The following ABL1 variants were observed in gnomAD, a reference collection of about 807,000 sequenced individuals.
ABL1 encodes the protein ABL proto-oncogene 1, non-receptor tyrosine kinase.
ABL1 carries 11 observed loss-of-function variants against 94.7 expected under a neutral mutation model. That is an observed-to-expected ratio of 0.12 (90% CI 0.07 to 0.19). The LOEUF (loss-of-function observed/expected upper bound fraction) is 0.19, where lower values mean the gene tolerates loss of function less well. Ranked by LOEUF, ABL1 falls within the 10% of genes least tolerant of loss-of-function variation. The pLI is 1.00. For missense variants in ABL1, 1,082 were observed against 1,489.4 expected, an observed-to-expected ratio of 0.73 and a Z score of 4.50; for synonymous variants, 656 against 622.4, an observed-to-expected ratio of 1.05 and a Z score of -0.80.
chr9:130,858,346 G>C (rs1014773481), intron 3 of ABL1, among the ~76,000 whole-genome samples: 3 of 152,152 alleles, frequency 2.0e-5, no homozygotes, highest in African/African-American at 7.2e-5. Flanking sequence ...TATGTGCCAG[G>C]TGGGTTTGTT....
intron 1 of ABL1, among the ~76,000 whole-genome samples, chr9:130,849,542 C>T (rs554096723): frequency 9.2e-5 from 14 of 151,960 alleles, no homozygotes; most frequent in African/African-American, 2.4e-4. Flanking sequence ...TTTTTTGAGA[C>T]GATGTCTCAC....
At position 130,721,193 on chromosome 9, in the gene ABL1, A is replaced by G. The variant is rs548509504; in HGVS notation, c.136+6738A>G. 7.2e-5 allele frequency among the ~76,000 whole-genome samples: 11 copies of G among 152,062 alleles called. No homozygotes were observed. In the East Asian group the frequency reaches 1.4e-3, roughly 19 times the overall value. On this transcript the variant is annotated intron_variant, in intron 1 of 10. Transcript: ENST00000372348. Reference sequence around the variant, plus strand: ...CAGGAGTTCGAGACCACCCTGGCCAACATGGTGAAACCTCGTCTCTACTAA... The same window carrying G: ...CAGGAGTTCGAGACCACCCTGGCCAGCATGGTGAAACCTCGTCTCTACTAA...
chr9:130,728,480 G>A (rs1277355989), intron 1 of ABL1, among the ~76,000 whole-genome samples: 7 of 150,944 alleles, frequency 4.6e-5, no homozygotes. Context: ...CCACCTCCTG[G>A]GTTCATGCCA....
At chr9:130,850,077 A>G (rs571660349) in intron 1 of ABL1, among the ~76,000 whole-genome samples, 167 of 152,268 alleles carry the variant, frequency 1.1e-3, no homozygotes, top group Non-Finnish European at 1.5e-3. Flanking sequence ...GGCACATGGG[A>G]TGGGGTAGCC....
At chr9:130,809,417 AGTGT>A (rs367661812) in intron 1 of ABL1, among the ~76,000 whole-genome samples, 2,460 of 84,186 alleles carry the variant, frequency 0.029, 28 homozygotes, top group Non-Finnish European at 0.036. Context: ...AGAGAGAGAG[AGTGT>A]GTGTGTGTGT....
At chr9:130,826,201 A>G (rs945809109) in intron 1 of ABL1, among the ~76,000 whole-genome samples, 15 of 151,922 alleles carry the variant, frequency 9.9e-5, no homozygotes, top group Non-Finnish European at 2.1e-4. Flanking sequence ...GCTCACTGCA[A>G]CCTCCACCTC....
At position 130,854,245 on chromosome 9, in the gene ABL1, G is replaced by A. The variant is rs912785310; in HGVS notation, c.253+8G>A. On this transcript the variant is annotated splice_region_variant and intron_variant, in intron 2 of 10. Transcript: ENST00000318560. ...CTCTAAGCATAACTAAAGGTAAAAG[G>A]GTTGTGGGCAGCTAGTGGTGGTTGC... 6.2e-7 allele frequency: 1 copy of A among 1,611,558 alleles called. No individual in the cohort carries two copies. Among genetic ancestry groups the A allele is most frequent in the South Asian group, 1.1e-5 (1 of 90,704 alleles).
At chr9:130,844,888 T>C (rs1197360943) in intron 1 of ABL1, among the ~76,000 whole-genome samples, 3 of 152,226 alleles carry the variant, frequency 2.0e-5, no homozygotes, top group Non-Finnish European at 4.4e-5. Context: ...ACCTGTGTTC[T>C]TAAAAAAATT....
chr9:130,785,601 T>G (rs545630399), intron 1 of ABL1, among the ~76,000 whole-genome samples: 14 of 152,078 alleles, frequency 9.2e-5, no homozygotes, highest in Non-Finnish European at 1.6e-4. Context: ...TCTGTACCCC[T>G]GGGTCCTCTT....
intron 1 of ABL1, among the ~76,000 whole-genome samples, chr9:130,752,730 G>A (rs11244121): frequency 0.26 from 38,811 of 151,708 alleles, 6,942 homozygotes; most frequent in East Asian, 0.52. Flanking sequence ...AGGCTGAGGC[G>A]GACAGATCAC....
intron 1 of ABL1, among the ~76,000 whole-genome samples, chr9:130,726,109 C>T (rs950849210): frequency 2.6e-5 from 4 of 151,896 alleles, no homozygotes; most frequent in South Asian, 2.1e-4. Flanking sequence ...CCTCAACCTC[C>T]CAAAGTGTTA....
chr9:130,733,842 G>A lies in ABL1; in HGVS notation c.136+19387G>A, dbSNP rs1043743908. The stretch of plus-strand genomic sequence containing the variant: ...CCTGACTTTGTGATCCGCCCGCCTC[G>A]GCCTCCCAAAGTGCTGGGGTTACAG... On this transcript the variant is annotated intron_variant, in intron 1 of 10. Coordinates refer to the ABL1 transcript ENST00000372348. Among the ~76,000 whole-genome samples the A allele has an allele frequency of 4.0e-5, 6 of 151,866 alleles. No homozygotes were observed. The East Asian group carries it at 5.9e-4, about 15-fold the overall frequency.
At chr9:130,883,107 T>C (rs535197656) in intron 10 of ABL1, among the ~76,000 whole-genome samples, 1 of 152,278 alleles carries the variant, frequency 6.6e-6, no homozygotes, top group East Asian at 1.9e-4. Context: ...CCAGCCGGGC[T>C]ACAGCACTGT....
chr9:130,818,784 A>G (rs1296319059), intron 1 of ABL1, among the ~76,000 whole-genome samples: 1 of 152,214 alleles, frequency 6.6e-6, no homozygotes, highest in Non-Finnish European at 1.5e-5. Flanking sequence ...TCAATTCAGC[A>G]TGCATGTATG....
chr9:130,719,751 T>C (rs1831492162), intron 1 of ABL1, among the ~76,000 whole-genome samples: 1 of 152,190 alleles, frequency 6.6e-6, no homozygotes, highest in Non-Finnish European at 1.5e-5. Flanking sequence ...AGTTGGTTAA[T>C]ATCCATGTAG....
At chr9:130,762,873 T>C (rs975140054) in intron 1 of ABL1, among the ~76,000 whole-genome samples, 1 of 145,330 alleles carries the variant, frequency 6.9e-6, no homozygotes, top group Non-Finnish European at 1.5e-5. Flanking sequence ...ATGGCGCCAC[T>C]GCACTCCAGC....
At chr9:130,720,933 C>G (rs554633675) in intron 1 of ABL1, among the ~76,000 whole-genome samples, 1 of 151,230 alleles carries the variant, frequency 6.6e-6, no homozygotes, top group Admixed American at 6.6e-5. Context: ...AAATGAAGGT[C>G]GAGGCTGCAG....
intron 1 of ABL1, among the ~76,000 whole-genome samples, chr9:130,804,913 G>C (rs1830105372): frequency 6.6e-6 from 1 of 152,158 alleles, no homozygotes; most frequent in African/African-American, 2.4e-5. Context: ...ATTAAGTAGG[G>C]GGACCAAGAG....
intron 1 of ABL1, among the ~76,000 whole-genome samples, chr9:130,846,036 G>A (rs1195430574): frequency 6.6e-6 from 1 of 151,908 alleles, no homozygotes; most frequent in African/African-American, 2.4e-5. Context: ...ACAGTGTTTT[G>A]GGATTTGAAG....
Sources: gnomAD v4.1 joint callset for allele counts (sites outside exome capture counted in the v4.1 genomes callset) on GRCh38, gnomAD v4.1.1 for gene constraint, MANE v1.5 for transcripts, NCBI Gene and HGNC (gene_info 2026-07-23, HGNC 2026-07-21) for gene names.